The following NKAIN2 variants were observed in gnomAD, a reference collection of about 807,000 sequenced individuals.
NKAIN2 encodes the protein sodium/potassium transporting ATPase interacting 2, also known as sodium/potassium-transporting ATPase subunit beta-1-interacting protein 2.
A neutral mutation model predicts 32.6 loss-of-function variants in NKAIN2; 14 were observed. The observed-to-expected ratio is 0.43, with a 90% CI of 0.28 to 0.67. The LOEUF (loss-of-function observed/expected upper bound fraction) is 0.67. Ranked by LOEUF, NKAIN2 falls within the 30% of genes least tolerant of loss-of-function variation. The pLI, the probability that NKAIN2 is intolerant of heterozygous loss-of-function variation, is 0.17. For missense variants in NKAIN2, 198 were observed against 258.3 expected (o/e 0.77, Z 1.60); for synonymous variants, 80 against 87.2 (o/e 0.92, Z 0.46).
chr6:123,932,078 C>T (rs235697), intron 1 of NKAIN2, among the ~76,000 whole-genome samples: 110,858 of 152,056 alleles, frequency 0.73, 40,883 homozygotes, highest in East Asian at 0.91. Flanking sequence ...TCCAGCTTAC[C>T]CTCCCTGAGG....
intron 1 of NKAIN2, among the ~76,000 whole-genome samples, chr6:124,164,442 T>G (rs2114466459): frequency 6.6e-6 from 1 of 152,200 alleles, no homozygotes; most frequent in Middle Eastern, 3.4e-3. Context: ...TAGTTTCTTT[T>G]GATGATATCA....
chr6:124,425,027 G>T (rs1232695854), intron 3 of NKAIN2, among the ~76,000 whole-genome samples: 1 of 152,024 alleles, frequency 6.6e-6, no homozygotes, highest in Non-Finnish European at 1.5e-5. Context: ...CCAGAGTAGA[G>T]AGCCCAGAAA....
At chr6:124,533,251 C>T (rs1779591155) in intron 3 of NKAIN2, among the ~76,000 whole-genome samples, 1 of 151,894 alleles carries the variant, frequency 6.6e-6, no homozygotes, top group African/African-American at 2.4e-5. Flanking sequence ...TTTAAAAATT[C>T]CTGCTGCTTG....
chr6:124,625,600 CTT>C (rs1491301325), intron 3 of NKAIN2, among the ~76,000 whole-genome samples: 10 of 152,052 alleles, frequency 6.6e-5, no homozygotes, highest in Non-Finnish European at 4.4e-5. Context: ...TTTTCAAACT[CTT>C]AAATAGCTTA....
chr6:124,659,863 T>C (rs1254130395), intron 4 of NKAIN2, among the ~76,000 whole-genome samples: 1 of 152,070 alleles, frequency 6.6e-6, no homozygotes, highest in East Asian at 1.9e-4. Context: ...TCAGCATAAA[T>C]GATGTCCAGA....
At chr6:124,246,666 A>G (rs550696653) in intron 1 of NKAIN2, among the ~76,000 whole-genome samples, 1 of 152,050 alleles carries the variant, frequency 6.6e-6, no homozygotes, top group Admixed American at 6.6e-5. Flanking sequence ...TTACAGCCTA[A>G]CACCACAACC....
Position 124,467,602 on chromosome 6 carries a change from A to C in NKAIN2, c.273+112255A>C, listed in dbSNP as rs529895011. Among the ~76,000 whole-genome samples, 662 of 152,180 alleles carry C rather than the reference A, an allele frequency of 4.4e-3. 6 individuals are homozygous for C. The highest frequency in any genetic ancestry group is 0.015 in the African/African-American group (624 of 41,534). ...AGAAGGCTCTCCAAAAGTGATTCAA[A>C]GTCTAGGGCAATTTAATGATCATTC... On this transcript the variant is annotated intron_variant, in intron 3 of 6. Transcript: ENST00000368417.
rs570330145 is a variant in NKAIN2 at position 124,788,204 on chromosome 6, G to A, written c.475-3135G>A. ...GGAAATTTTGCCTTTTAGAGGGCAT[G>A]TGACAATGTCTAGAGATATTTTTAT... On this transcript the variant is annotated intron_variant, in intron 4 of 6. Transcript: ENST00000368417. 3.3e-5 allele frequency among the ~76,000 whole-genome samples: 5 copies of A among 152,208 alleles called. No individual in the cohort carries two copies. The East Asian group carries it at 9.7e-4, about 29-fold the overall frequency.
At chr6:124,739,736 C>A (rs755397105) in intron 4 of NKAIN2, among the ~76,000 whole-genome samples, 1 of 151,804 alleles carries the variant, frequency 6.6e-6, no homozygotes, top group Non-Finnish European at 1.5e-5. Flanking sequence ...GAAGAGTGAG[C>A]ACTGCATCAA....
chr6:123,807,843 G>A (rs1036725016), intron 1 of NKAIN2, among the ~76,000 whole-genome samples: 1 of 152,014 alleles, frequency 6.6e-6, no homozygotes, highest in Non-Finnish European at 1.5e-5. Flanking sequence ...TATTGCCATG[G>A]GCTGTATGAA....
At chr6:124,809,118 A>T (rs1780749296) in intron 5 of NKAIN2, among the ~76,000 whole-genome samples, 1 of 152,244 alleles carries the variant, frequency 6.6e-6, no homozygotes, top group African/African-American at 2.4e-5. Flanking sequence ...TCTTCACAGA[A>T]TTGGAAAAAA....
intron 1 of NKAIN2, among the ~76,000 whole-genome samples, chr6:124,038,306 C>T (rs1299664303): frequency 6.6e-6 from 1 of 151,908 alleles, no homozygotes; most frequent in Non-Finnish European, 1.5e-5. Flanking sequence ...CCTCTGCCTC[C>T]AGGGTTCAAG....
chr6:124,753,356 AC>A (rs1328180220), intron 4 of NKAIN2, among the ~76,000 whole-genome samples: 1 of 152,094 alleles, frequency 6.6e-6, no homozygotes, highest in East Asian at 1.9e-4. Flanking sequence ...TGCAGACAAA[AC>A]CTCCTAAGAT....
chr6:123,977,352 A>G (rs1778690555), intron 1 of NKAIN2, among the ~76,000 whole-genome samples: 1 of 152,188 alleles, frequency 6.6e-6, no homozygotes, highest in Non-Finnish European at 1.5e-5. Flanking sequence ...TTGAGGCTTC[A>G]GTGAGCTGTG....
intron 1 of NKAIN2, among the ~76,000 whole-genome samples, chr6:124,026,294 C>T (rs1200139018): frequency 6.6e-6 from 1 of 152,184 alleles, no homozygotes; most frequent in Non-Finnish European, 1.5e-5. Flanking sequence ...GAGTAAGGAA[C>T]ATATATTTTT....
chr6:124,526,812 T>C (rs1779332476), intron 3 of NKAIN2, among the ~76,000 whole-genome samples: 1 of 152,168 alleles, frequency 6.6e-6, no homozygotes, highest in African/African-American at 2.4e-5. Flanking sequence ...TTTACATCAC[T>C]ATCAGGGCAG....
At chr6:124,609,892 T>C (rs570208537) in intron 3 of NKAIN2, among the ~76,000 whole-genome samples, 1 of 152,334 alleles carries the variant, frequency 6.6e-6, no homozygotes, top group African/African-American at 2.4e-5. Context: ...TTGTGTCTCC[T>C]TTCCTTTGTC....
intron 4 of NKAIN2, among the ~76,000 whole-genome samples, chr6:124,669,847 T>C (rs2114470198): frequency 6.6e-6 from 1 of 152,146 alleles, no homozygotes; most frequent in South Asian, 2.1e-4. Context: ...CCTCACCATA[T>C]TCCATTTATC....
At chr6:124,081,291 G>A (rs1176400200) in intron 1 of NKAIN2, among the ~76,000 whole-genome samples, 1 of 151,818 alleles carries the variant, frequency 6.6e-6, no homozygotes, top group African/African-American at 2.4e-5. Context: ...TATAAAACAT[G>A]GTATTTCTGT....
Sources: allele counts gnomAD v4.1 joint callset (sites outside exome capture counted in the v4.1 genomes callset), GRCh38; gene constraint gnomAD v4.1.1; transcripts MANE v1.5; gene names NCBI Gene and HGNC (gene_info 2026-07-23, HGNC 2026-07-21).